Variants in AIG1 observed in about 807,000 individuals in gnomAD.
The protein encoded by AIG1 is androgen induced 1, also known as androgen-induced gene 1 protein.
AIG1 carries 23 observed loss-of-function variants against 31.4 expected under a neutral mutation model. The ratio of observed to expected loss-of-function variants is 0.73; its 90% CI spans 0.53 to 1.04. The LOEUF is 1.04. Ranked by LOEUF, AIG1 falls within the 50% of genes least tolerant of loss-of-function variation. AIG1 has a pLI of 0.00. For missense variants in AIG1, 274 were observed against 295.0 expected (o/e 0.93, Z 0.52); for synonymous variants, 100 against 110.5 (o/e 0.90, Z 0.60).
intron 1 of AIG1, among the ~76,000 whole-genome samples, chr6:143,065,415 C>T (rs1390412943): frequency 6.6e-6 from 1 of 152,192 alleles, no homozygotes; most frequent in Non-Finnish European, 1.5e-5. Flanking sequence ...CTAGCTGTTA[C>T]TCAAATATTA....
chr6:143,133,831 A>T (rs1783487724), intron 1 of AIG1, among the ~76,000 whole-genome samples: 1 of 152,066 alleles, frequency 6.6e-6, no homozygotes, highest in African/African-American at 2.4e-5. Flanking sequence ...ATCCTCCATC[A>T]TGTTTCCTTG....
At chr6:143,278,585 C>T (rs911644752) in intron 3 of AIG1, among the ~76,000 whole-genome samples, 34 of 151,964 alleles carry the variant, frequency 2.2e-4, no homozygotes, top group African/African-American at 7.5e-4. Context: ...TCTCCTGCCT[C>T]AGCCTCCCAA....
intron 3 of AIG1, among the ~76,000 whole-genome samples, chr6:143,181,496 C>T (rs138394340): frequency 6.6e-6 from 1 of 152,132 alleles, no homozygotes; most frequent in African/African-American, 2.4e-5. Flanking sequence ...TCTAACAAGT[C>T]CAGTCCTCCC....
intron 4 of AIG1, among the ~76,000 whole-genome samples, chr6:143,314,488 G>A (rs1429919356): frequency 6.6e-6 from 1 of 152,014 alleles, no homozygotes; most frequent in African/African-American, 2.4e-5. Flanking sequence ...AAGAATACAA[G>A]GTTAATATGC....
At chr6:143,136,464 A>G (rs1376635952) in intron 1 of AIG1, among the ~76,000 whole-genome samples, 1 of 152,324 alleles carries the variant, frequency 6.6e-6, no homozygotes, top group East Asian at 1.9e-4. Context: ...ACTAGTAGAA[A>G]CCATAGATGT....
chr6:143,165,160 C>A lies in AIG1; in HGVS notation c.376C>A (p.Pro126Thr). 2 of 1,613,160 alleles carry A rather than the reference C, an allele frequency of 1.2e-6. No individual in the cohort carries two copies. The highest frequency in any genetic ancestry group is 1.7e-6 in the Non-Finnish European group (2 of 1,179,344). The change falls in exon 3 of 6, where the codon CCA becomes ACA. Residue 126 changes from proline (P) to threonine (T), a missense_variant. By Grantham distance (38) the Pro-to-Thr change is conservative (BLOSUM62 -1). Transcript: ENST00000357847. Reference sequence around the variant, plus strand: ...CCCGAAGCTGCTGGATAATTTTATCCCAGGGTGGCTGAATCACGGAATGGT... The same window carrying A: ...CCCGAAGCTGCTGGATAATTTTATCACAGGGTGGCTGAATCACGGAATGGT... ...IYPKLLDNFI[P>T]GWLNHGMHTT...
chr6:143,260,913 C>G (rs1007878435), intron 3 of AIG1, among the ~76,000 whole-genome samples: 3 of 152,156 alleles, frequency 2.0e-5, no homozygotes, highest in Admixed American at 6.5e-5. Context: ...CTTCACCCCC[C>G]CGCCATCCCT....
intron 3 of AIG1, among the ~76,000 whole-genome samples, chr6:143,249,023 T>C (rs1298619083): frequency 6.6e-6 from 1 of 152,224 alleles, no homozygotes; most frequent in Non-Finnish European, 1.5e-5. Context: ...AGAGGGGCTG[T>C]TTGTGTTAAT....
intron 1 of AIG1, among the ~76,000 whole-genome samples, chr6:143,087,576 A>G (rs1481290658): frequency 1.3e-5 from 2 of 152,200 alleles, no homozygotes; most frequent in African/African-American, 2.4e-5. Flanking sequence ...GGCGGCAAAC[A>G]ACAGTGGTGG....
chr6:143,143,516 AAAAAAAAAAAAAATATATATATATAT>A (rs1457340338), intron 2 of AIG1, among the ~76,000 whole-genome samples: 1 of 95,970 alleles, frequency 1.0e-5, no homozygotes, highest in Non-Finnish European at 2.0e-5. Context: ...AAAAAAAAAA[AAAAAAAAAAAAAATATATATATATAT>A]ATATATATAT....
chr6:143,226,296 A>C (rs891750092), intron 3 of AIG1, among the ~76,000 whole-genome samples: 18 of 150,446 alleles, frequency 1.2e-4, no homozygotes, highest in Non-Finnish European at 4.4e-5. Flanking sequence ...GCTGGAGTGC[A>C]GTGGGATGAT....
Position 143,078,729 on chromosome 6 carries a change from A to G in AIG1, c.141+17663A>G, listed in dbSNP as rs143026631. On this transcript the variant is annotated intron_variant, in intron 1 of 5. Transcript: ENST00000357847. ...TGGAGGAAACCACCCCCATGATTCA[A>G]TTATCTCCCACTGGGTCCCTCCCAC... is the stretch of plus-strand genomic sequence containing the variant. 6.2e-3 allele frequency among the ~76,000 whole-genome samples: 948 copies of G among 152,266 alleles called. 15 individuals carry two copies. Among genetic ancestry groups the G allele is most frequent in the African/African-American group, 0.019 (803 of 41,534 alleles).
chr6:143,187,475 C>T (rs1342453351), intron 3 of AIG1: 1 of 1,535,532 alleles, frequency 6.5e-7, no homozygotes, highest in African/African-American at 1.4e-5. Context: ...CGACACTCTG[C>T]TCAATTGAAG....
intron 1 of AIG1, among the ~76,000 whole-genome samples, chr6:143,112,829 A>G (rs975475323): frequency 1.3e-5 from 2 of 152,236 alleles, no homozygotes; most frequent in Non-Finnish European, 2.9e-5. Flanking sequence ...AGAGAACTGC[A>G]TGGGAGATAA....
intron 2 of AIG1, among the ~76,000 whole-genome samples, chr6:143,161,529 T>TTG (rs143978803): frequency 0.087 from 13,043 of 149,444 alleles, 696 homozygotes; most frequent in South Asian, 0.19. Context: ...AAAACATATA[T>TTG]TATATATATA....
chr6:143,081,633 G>A (rs1043147584), intron 1 of AIG1, among the ~76,000 whole-genome samples: 2 of 151,944 alleles, frequency 1.3e-5, no homozygotes, highest in African/African-American at 4.8e-5. Context: ...GTTTTGAAAA[G>A]GCCTGGTCCA....
chr6:143,106,780 C>T (rs1265376159), intron 1 of AIG1, among the ~76,000 whole-genome samples: 2 of 152,158 alleles, frequency 1.3e-5, no homozygotes, highest in Non-Finnish European at 2.9e-5. Context: ...TTATCAGCAA[C>T]AGATTTATTT....
At chr6:143,186,102 G>C (rs1392244496) in intron 3 of AIG1, among the ~76,000 whole-genome samples, 1 of 152,208 alleles carries the variant, frequency 6.6e-6, no homozygotes, top group Non-Finnish European at 1.5e-5. Flanking sequence ...ATGAGAGCCA[G>C]GCTGGGAGTG....
rs1176682458 is a variant in AIG1, at chr6:143,334,918, T to A, written c.679+1473T>A. On this transcript the variant is annotated intron_variant, in intron 5 of 5. Coordinates refer to ENST00000357847, the MANE Select transcript of AIG1 (RefSeq NM_016108.4). The surrounding 1 kb of genome is among the most constrained non-coding windows in gnomAD (Gnocchi z 5.1). ...TATCCACTCTACATTAATAGAATAC[T>A]GCTTTTTAGCAGCTTTGAATGAGGA... The A allele has an allele frequency of 4.0e-6, 2 of 498,398 alleles. No homozygotes were observed. The highest frequency in any genetic ancestry group is 6.8e-6 in the Non-Finnish European group (2 of 295,332). The allele number at this position is 498,398 out of a possible 1,614,324, so 30.9% of individuals were successfully genotyped here. A position where few individuals can be genotyped will look rare whatever the true frequency, so the allele number is the denominator to read the frequency against.
Sources: allele counts gnomAD v4.1 joint callset (sites outside exome capture counted in the v4.1 genomes callset), GRCh38; gene constraint gnomAD v4.1.1; non-coding constraint Gnocchi (gnomAD v3.1); transcripts MANE v1.5; gene names NCBI Gene and HGNC (gene_info 2026-07-23, HGNC 2026-07-21).